ZC4H2: variants seen among roughly 807,000 people sequenced by gnomAD.
ZC4H2 encodes zinc finger C4H2 domain-containing protein.
For synonymous variants in ZC4H2, 84 were observed against 66.3 expected (o/e 1.27, Z -1.30); for missense variants, 137 against 173.9 (o/e 0.79, Z 1.19).
At chrX:64,929,547 G>A (rs1432376420) in intron 1 of ZC4H2, among the ~76,000 whole-genome samples, 1 of 111,550 alleles carries the variant, frequency 9.0e-6, no homozygotes, top group Non-Finnish European at 1.9e-5. Context: ...TTTGTATAAG[G>A]TGAGAGGTGA....
At chrX:64,988,973 G>A (rs1256089821) in intron 1 of ZC4H2, among the ~76,000 whole-genome samples, 1 of 111,944 alleles carries the variant, frequency 8.9e-6, no homozygotes, top group African/African-American at 3.3e-5. Flanking sequence ...TATTAAATAA[G>A]GAATCCTTTC....
chrX:64,938,937 C>T (rs771597163), intron 1 of ZC4H2, among the ~76,000 whole-genome samples: 16 of 111,335 alleles, frequency 1.4e-4, no homozygotes, highest in South Asian at 3.8e-4. Flanking sequence ...TTTCTGGCCA[C>T]GACAATCAGG....
At chrX:65,009,486 C>G (rs1932724014) in intron 1 of ZC4H2, among the ~76,000 whole-genome samples, 1 of 112,059 alleles carries the variant, frequency 8.9e-6, no homozygotes, top group South Asian at 3.8e-4. Flanking sequence ...CCCCAGAATC[C>G]TCTATCCTGT....
chrX:64,928,683 T>TCTC (rs1929569100), intron 1 of ZC4H2, among the ~76,000 whole-genome samples: 3 of 98,301 alleles, frequency 3.1e-5, no homozygotes, highest in Non-Finnish European at 6.2e-5. Context: ...TTCTTCTTCT[T>TCTC]CCTCCTCCTC....
At chrX:64,950,745 A>C (rs1930771291) in intron 1 of ZC4H2, among the ~76,000 whole-genome samples, 2 of 110,781 alleles carry the variant, frequency 1.8e-5, no homozygotes, top group South Asian at 7.7e-4. Context: ...GTGTGTCTCC[A>C]CATGTGAGAT....
intron 1 of ZC4H2, among the ~76,000 whole-genome samples, chrX:64,963,704 C>T (rs1432593130): frequency 1.8e-5 from 2 of 111,211 alleles, no homozygotes; most frequent in Admixed American, 9.6e-5. Context: ...TCCAGCACTC[C>T]TACTTCTAGG....
chrX:64,919,292 G>A, intron 3 of ZC4H2, 88 bp from the exon 4 acceptor site: 2 of 1,066,192 alleles, frequency 1.9e-6, no homozygotes, highest in Non-Finnish European at 2.6e-6. Context: ...ACAACCAAGG[G>A]TTGAGCTGTG....
chrX:64,917,583 C>T lies in ZC4H2; in HGVS notation c.*200G>A. On this transcript the variant is annotated 3_prime_UTR_variant, in exon 5 of 5. Coordinates refer to ENST00000374839, the MANE Select transcript of ZC4H2 (RefSeq NM_018684.4). ...GGATCATCAGACACACTGTTTAGCA[C>T]CTGAACCACATCTCTTCCTAAACCA... The T allele has an allele frequency of 1.9e-6, 1 of 518,964 alleles. No homozygotes were observed. The highest frequency in any genetic ancestry group is 3.0e-6 in the Non-Finnish European group (1 of 332,846). The allele number at this position is 518,964 out of a possible 1,213,427, so 42.8% of individuals were successfully genotyped here.
intron 1 of ZC4H2, chrX:64,965,429 C>A (rs1931552208): frequency 6.5e-6 from 2 of 307,131 alleles, no homozygotes; most frequent in East Asian, 1.1e-4. Context: ...CATCCAAATG[C>A]AAAAGAAAAT....
intron 1 of ZC4H2, among the ~76,000 whole-genome samples, chrX:64,954,376 ATATATATT>A (rs1931061412): frequency 2.6e-5 from 2 of 76,097 alleles, no homozygotes; most frequent in African/African-American, 1.9e-4. Flanking sequence ...ATATATAATT[ATATATATT>A]TATAATTATA....
chrX:64,980,492 G>A (rs1164772317), upstream of ZC4H2, among the ~76,000 whole-genome samples: 1 of 111,602 alleles, frequency 9.0e-6, no homozygotes, highest in Non-Finnish European at 1.9e-5. Context: ...AACAGCAGGA[G>A]GTATCGAGGA....
chrX:64,929,377 C>A (rs1220554673), intron 1 of ZC4H2, among the ~76,000 whole-genome samples: 1 of 111,558 alleles, frequency 9.0e-6, no homozygotes, highest in Non-Finnish European at 1.9e-5. Flanking sequence ...TTAATTAGGT[C>A]CCATTTATTT....
intron 1 of ZC4H2, among the ~76,000 whole-genome samples, chrX:64,975,009 A>G (rs1380548679): frequency 9.4e-6 from 1 of 106,155 alleles, no homozygotes; most frequent in African/African-American, 3.5e-5. Flanking sequence ...ATTGCAACAT[A>G]TTCCCTTCTC....
intron 1 of ZC4H2, among the ~76,000 whole-genome samples, chrX:65,027,535 A>C (rs1157871961): frequency 1.8e-5 from 2 of 111,699 alleles, no homozygotes; most frequent in Admixed American, 9.5e-5. Context: ...AGAATCAGCA[A>C]GGCTTATTAA....
At chrX:65,011,477 A>T (rs190695089) in intron 1 of ZC4H2, among the ~76,000 whole-genome samples, 1 of 111,483 alleles carries the variant, frequency 9.0e-6, no homozygotes, top group Admixed American at 9.5e-5. Flanking sequence ...ATATTTGTAT[A>T]ACGTATGGTG....
rs774749084 is a variant in ZC4H2, at chrX:64,952,267, T to C, written c.53+24058A>G. Among the ~76,000 whole-genome samples, 108 of 109,894 alleles carry C rather than the reference T, an allele frequency of 9.8e-4. 1 individual carries two copies. Among genetic ancestry groups the C allele is most frequent in the African/African-American group, 3.5e-3 (104 of 29,537 alleles). ...CCAGCTTTGTTCTTTTGGCTTAGGA[T>C]TGACTTGGCAATGCAGGCTCTTTTT... On this transcript the variant is annotated intron_variant, in intron 1 of 4. Transcript: ENST00000374839.
intron 1 of ZC4H2, among the ~76,000 whole-genome samples, chrX:64,953,989 T>C (rs1464896078): frequency 9.1e-6 from 1 of 109,830 alleles, no homozygotes; most frequent in East Asian, 2.9e-4. Flanking sequence ...TATGCAGCCA[T>C]AAAAAATGAT....
At chrX:64,956,524 C>T (rs931922529) in intron 1 of ZC4H2, among the ~76,000 whole-genome samples, 2 of 111,466 alleles carry the variant, frequency 1.8e-5, no homozygotes, top group African/African-American at 3.3e-5. Flanking sequence ...ATGAATTACA[C>T]GCTGAGACCA....
In ZC4H2 at chrX:64,920,179, C is replaced by G. The variant is rs371019683; in HGVS notation, c.300G>C (p.Glu100Asp). 3.0e-5 allele frequency: 36 copies of G among 1,209,865 alleles called. No individual in the cohort carries two copies. The highest frequency in any genetic ancestry group is 2.2e-6 in the Non-Finnish European group (2 of 895,216). The change falls in exon 3 of 5, where the codon GAG becomes GAC. Residue 100 changes from glutamate (E) to aspartate (D), a missense_variant. Transcript: ENST00000374839. ...CCACATGTTCTTTCAGTGGCTTATA[C>G]TCATCATGCAGCCTCCTTGTAGACT... ...LLESTRRLHDEYKPLKEHVDA... is the reference protein window; with the variant it reads ...LLESTRRLHDDYKPLKEHVDA...
Sources: gnomAD v4.1 joint callset for allele counts (sites outside exome capture counted in the v4.1 genomes callset) on GRCh38, gnomAD v4.1.1 for gene constraint, MANE v1.5 for transcripts, NCBI Gene and HGNC (gene_info 2026-07-23, HGNC 2026-07-21) for gene names.